COCH: variants seen among roughly 807,000 people sequenced by gnomAD.
COCH encodes the protein coagulation factor C homolog, cochlin (Limulus polyphemus).
COCH carries 40 observed loss-of-function variants against 54.8 expected under a neutral mutation model. The ratio of observed to expected loss-of-function variants is 0.73; its 90% CI spans 0.57 to 0.95. The LOEUF is 0.95. Among genes scored for constraint, COCH ranks in the 40% least tolerant of loss-of-function variants. COCH has a pLI of 0.00. For missense variants in COCH, 605 were observed against 675.0 expected (o/e 0.90, Z 1.15); for synonymous variants, 256 against 237.9 (o/e 1.08, Z -0.70).
At position 30,877,344 on chromosome 14, in the gene COCH, G is replaced by C; in HGVS notation, c.83-228G>C. 1 of 535,348 alleles carries C rather than the reference G, an allele frequency of 1.9e-6. No individual in the cohort carries two copies. Among genetic ancestry groups the C allele is most frequent in the South Asian group, 2.2e-5 (1 of 45,324 alleles). The allele number at this position is 535,348 out of a possible 1,614,324, so 33.2% of individuals were successfully genotyped here. ...AAAACAAAAACGAAATAAAAACCCA[G>C]AACTTTCACATTAGAGTTTTATAGT... On this transcript the variant is annotated intron_variant, in intron 3 of 11. Transcript: ENST00000396618. The surrounding 1 kb of genome is among the most constrained non-coding windows in gnomAD (Gnocchi z 8.6).
At position 30,885,545 on chromosome 14, in the gene COCH, T is replaced by C. The variant is rs1895757004; in HGVS notation, c.885T>C (p.Asn295=). 4 of 1,613,370 alleles carry C rather than the reference T, an allele frequency of 2.5e-6. No homozygotes were observed. Among genetic ancestry groups the C allele is most frequent in the African/African-American group, 1.3e-5 (1 of 75,028 alleles). ...AGIVAREFGV[N]VFIVSVAKPI... ...TTGTGGCCAGAGAGTTTGGTGTCAA[T>C]GTATTTATAGTTTCTGTGGCCAAGC... Residue 295 remains asparagine (N), a synonymous_variant, in exon 10 of 12, where the codon AAT becomes AAC. Coordinates refer to ENST00000396618, the MANE Select transcript of COCH (RefSeq NM_004086.3).
chr14:30,880,827 G>A, intron 8 of COCH, 93 bp downstream of exon 8: 1 of 909,612 alleles, frequency 1.1e-6, no homozygotes, highest in Non-Finnish European at 1.8e-6. Flanking sequence ...ACATAGTGAT[G>A]TTTTCATACA....
rs910770200 is a variant in COCH, at chr14:30,877,816, G to A, written c.239+88G>A. 4.4e-6 allele frequency: 7 copies of A among 1,592,020 alleles called. No individual in the cohort carries two copies. The highest frequency in any genetic ancestry group is 1.7e-6 in the Non-Finnish European group (2 of 1,170,730). ...ACCCATCTGGATCCCTTTCCTCCCT[G>A]CATTCTTTCTTTTGTTGCCATTGTG... On this transcript the variant is annotated intron_variant, in intron 4 of 11. Coordinates refer to ENST00000396618, the MANE Select transcript of COCH (RefSeq NM_004086.3). The surrounding 1 kb of genome is among the most constrained non-coding windows in gnomAD (Gnocchi z 8.6).
Position 30,875,121 on chromosome 14 carries a change from G to A in COCH, c.82+18G>A. The A allele has an allele frequency of 6.4e-7, 1 of 1,553,752 alleles. No homozygotes were observed. Among genetic ancestry groups the A allele is most frequent in the Non-Finnish European group, 8.7e-7 (1 of 1,150,036 alleles). ...GGGAGCCGGTGAGTGGGGGAGCTGGGGTGCGTCCAGGCGGTCGCAGGGGCT... is the reference window on the plus strand; with the variant it reads ...GGGAGCCGGTGAGTGGGGGAGCTGGAGTGCGTCCAGGCGGTCGCAGGGGCT... On this transcript the variant is annotated intron_variant, in intron 3 of 11. Transcript: ENST00000396618.
intron 8 of COCH, among the ~76,000 whole-genome samples, chr14:30,882,119 G>GTTTTTTTTTTTTTTTTTTTTTTT (rs1566410309): frequency 1.2e-5 from 1 of 84,874 alleles, no homozygotes. Context: ...ACTATAAAAT[G>GTTTTTTTTTTTTTTTTTTTTTTT]GTTTTTTTTT....
chr14:30,893,149 A>AT (rs754080275), downstream of COCH, among the ~76,000 whole-genome samples: 4,276 of 91,132 alleles, frequency 0.047, 139 homozygotes, highest in East Asian at 0.076. Flanking sequence ...AAAAACCACA[A>AT]TTTTTTTTTT....
At chr14:30,881,436 CTG>C (rs773392687) in intron 8 of COCH, among the ~76,000 whole-genome samples, 13 of 152,140 alleles carry the variant, frequency 8.5e-5, no homozygotes, top group Admixed American at 1.3e-4. Context: ...ATTTAGAAAA[CTG>C]TGTGCTATCT....
chr14:30,885,326 T>C, intron 9 of COCH, 68 bp from the exon 10 acceptor site: 1 of 1,335,832 alleles, frequency 7.5e-7, no homozygotes, highest in South Asian at 1.2e-5. Flanking sequence ...CATCAAATGC[T>C]ACAGGGAAAC....
chr14:30,877,879 A>C lies in COCH; in HGVS notation c.239+151A>C, dbSNP rs370454378. ...GGATATATTTTCACGGTTCTCCTGG[A>C]TATACTTGAAACACCAAATACACAT... On this transcript the variant is annotated intron_variant, in intron 4 of 11. Coordinates refer to ENST00000396618, the MANE Select transcript of COCH (RefSeq NM_004086.3). This position sits in a 1 kb window ranked among gnomAD's most constrained non-coding sequence, Gnocchi z 8.6. The C allele has an allele frequency of 3.6e-5, 50 of 1,382,390 alleles. No individual in the cohort carries two copies. Among genetic ancestry groups the C allele is most frequent in the South Asian group, 3.4e-4 (26 of 76,592 alleles). 85.6% of individuals were successfully genotyped at this position (1,382,390 alleles called of 1,614,324 possible).
chr14:30,879,055 TA>T, intron 5 of COCH, 111 bp downstream of exon 5: 1 of 1,465,502 alleles, frequency 6.8e-7, no homozygotes, highest in South Asian at 1.1e-5. Flanking sequence ...TGATCAAGAC[TA>T]AAGCTGACCT....
chr14:30,888,933 GA>G (rs1440960102), intron 11 of COCH, among the ~76,000 whole-genome samples: 1 of 152,072 alleles, frequency 6.6e-6, no homozygotes, highest in Non-Finnish European at 1.5e-5. Flanking sequence ...ATACCTCAAT[GA>G]AACTGGAAGA....
At position 30,886,295 on chromosome 14, in the gene COCH, C is replaced by G. The variant is rs754636399; in HGVS notation, c.1460C>G (p.Ala487Gly). Residue 487 changes from alanine to glycine, a missense_variant, in exon 11 of 12, where the codon GCT becomes GGT. Physicochemically the swap from Ala to Gly is moderately conservative, Grantham distance 60. Transcript: ENST00000396618. ...TATGATGATGTCCAAGGCCCTGCAG[C>G]TGCTGCACATGATGCAGGTAAGGTC... Reference protein sequence around the residue: ...QSYDDVQGPAAAAHDAGITIF... With the variant: ...QSYDDVQGPAGAAHDAGITIF... The G allele has an allele frequency of 6.2e-7, 1 of 1,614,148 alleles. No homozygotes were observed. Among genetic ancestry groups the G allele is most frequent in the Non-Finnish European group, 8.5e-7 (1 of 1,180,018 alleles).
Position 30,889,905 on chromosome 14 carries a change from T to C in COCH, c.*114T>C, listed in dbSNP as rs375692052. ...TAGAATCAGATACAAAACTATTAAG[T>C]ATGTCAACAGCCATTTAGGCAAATA... On this transcript the variant is annotated 3_prime_UTR_variant, in exon 12 of 12. Transcript: ENST00000396618. 4 of 1,450,716 alleles carry C rather than the reference T, an allele frequency of 2.8e-6. No individual in the cohort carries two copies. The highest frequency in any genetic ancestry group is 4.9e-5 in the East Asian group (2 of 40,450). The allele number at this position is 1,450,716 out of a possible 1,614,324, so 89.9% of individuals were successfully genotyped here. A position where few individuals can be genotyped will look rare whatever the true frequency, so the allele number is the denominator to read the frequency against.
downstream of COCH, among the ~76,000 whole-genome samples, chr14:30,892,967 G>A (rs969548610): frequency 3.0e-4 from 46 of 152,046 alleles, no homozygotes; most frequent in Admixed American, 3.0e-3. Flanking sequence ...AATTTCACAC[G>A]TAAGTTTTCT....
At chr14:30,875,011 G>T (rs757585009) in intron 2 of COCH, 39 bp downstream of exon 2, 34 of 1,612,686 alleles carry the variant, frequency 2.1e-5, no homozygotes, top group Admixed American at 5.0e-5. Context: ...CCCTTGCTCC[G>T]CTGGGTGGAG....
chr14:30,880,698 G>T lies in COCH; in HGVS notation c.593G>T (p.Gly198Val). ...VGKVALMLGI[G>V]TEGPHVGLVQ... is the part of the protein sequence containing the mutation. ...AAAGTGGCTCTAATGTTGGGAATTG[G>T]AACAGAAGGACCACATGTGGGCCTT... is the stretch of plus-strand genomic sequence containing the variant. Residue 198 changes from glycine to valine, a missense_variant, in exon 8 of 12, where the codon GGA (glycine) becomes GTA (valine). Physicochemically the swap from Gly to Val is moderately radical, Grantham distance 109. Coordinates refer to ENST00000396618, the MANE Select transcript of COCH (RefSeq NM_004086.3). 6.2e-7 allele frequency: 1 copy of T among 1,613,902 alleles called. No homozygotes were observed. The highest frequency in any genetic ancestry group is 1.1e-5 in the South Asian group (1 of 91,072).
chr14:30,888,047 G>A (rs1028544177), intron 11 of COCH, among the ~76,000 whole-genome samples: 44 of 152,150 alleles, frequency 2.9e-4, no homozygotes, highest in African/African-American at 4.8e-4. Context: ...AAATAGGGTA[G>A]GATTTTAGGG....
intron 8 of COCH, 28 bp downstream of exon 8, chr14:30,880,762 T>TA (rs10706771): frequency 1.0e-3 from 1,524 of 1,507,526 alleles, no homozygotes; most frequent in Middle Eastern, 1.9e-3. Flanking sequence ...ATGGGAGATT[T>TA]AAAAAAAAAA....
chr14:30,884,112 C>G (rs1895702256), intron 8 of COCH, among the ~76,000 whole-genome samples: 1 of 152,136 alleles, frequency 6.6e-6, no homozygotes, highest in African/African-American at 2.4e-5. Context: ...TCTGTTAAAC[C>G]CGAGGCTCTG....
Sources: gnomAD v4.1 joint callset for allele counts (sites outside exome capture counted in the v4.1 genomes callset) on GRCh38, gnomAD v4.1.1 for gene constraint, Gnocchi (gnomAD v3.1) non-coding constraint, MANE v1.5 for transcripts, NCBI Gene and HGNC (gene_info 2026-07-23, HGNC 2026-07-21) for gene names.